PTPN3: variants seen among roughly 807,000 people sequenced by gnomAD.
PTPN3 encodes protein tyrosine phosphatase non-receptor type 3.
Under a neutral mutation model 132.7 loss-of-function variants are expected in PTPN3, and 96 were observed. That is an observed-to-expected ratio of 0.72 (90% CI 0.61 to 0.86). The LOEUF is 0.86. PTPN3 is among the 40% of genes least tolerant of loss of function. The probability of loss-of-function intolerance (pLI) is 0.00; values close to 1 mark genes in which losing one functional copy is unlikely to be tolerated. For missense variants in PTPN3, 1,125 were observed against 1,159.6 expected, an observed-to-expected ratio of 0.97 and a Z score of 0.43; for synonymous variants, 398 against 429.0, an observed-to-expected ratio of 0.93 and a Z score of 0.89.
chr9:109,499,688 C>T (rs1053572193), upstream of PTPN3, among the ~76,000 whole-genome samples: 4 of 152,194 alleles, frequency 2.6e-5, no homozygotes, highest in African/African-American at 9.7e-5. Flanking sequence ...GGCAGTCGTT[C>T]CAGGGATAGA....
upstream of PTPN3, among the ~76,000 whole-genome samples, chr9:109,499,136 A>T (rs1446315915): frequency 1.6e-5 from 2 of 126,304 alleles, no homozygotes; most frequent in African/African-American, 5.8e-5. Flanking sequence ...GTTTGGGGAA[A>T]GAGGGACAGG....
intron 19 of PTPN3, among the ~76,000 whole-genome samples, chr9:109,401,726 T>C (rs1841127113): frequency 6.6e-6 from 1 of 152,200 alleles, no homozygotes; most frequent in African/African-American, 2.4e-5. Flanking sequence ...GGATCTGCAC[T>C]GCGCTGTCCA....
intron 1 of PTPN3, among the ~76,000 whole-genome samples, chr9:109,466,869 T>C (rs948751584): frequency 6.6e-6 from 1 of 152,146 alleles, no homozygotes; most frequent in Non-Finnish European, 1.5e-5. Flanking sequence ...GGGCACCGGT[T>C]AGGTGTAGAA....
chr9:109,534,646 AAAAAAAAT>A, the PTPN3 span, among the ~76,000 whole-genome samples: 6 of 149,954 alleles, frequency 4.0e-5, no homozygotes, highest in Middle Eastern at 3.4e-3. Flanking sequence ...AAAAAAAAAA[AAAAAAAAT>A]ACCTGGGCGT....
chr9:109,516,719 AT>A, the PTPN3 span, among the ~76,000 whole-genome samples: 1 of 152,322 alleles, frequency 6.6e-6, no homozygotes, highest in East Asian at 1.9e-4. Flanking sequence ...GGCAACAATG[AT>A]TGTGGAGAAG....
At chr9:109,389,580 T>G (rs1391318002) in intron 21 of PTPN3, among the ~76,000 whole-genome samples, 1 of 152,244 alleles carries the variant, frequency 6.6e-6, no homozygotes, top group Non-Finnish European at 1.5e-5. Context: ...TATTAGATCT[T>G]TAAGATAAAA....
chr9:109,465,829 T>C (rs556298141), intron 1 of PTPN3, among the ~76,000 whole-genome samples: 1 of 152,052 alleles, frequency 6.6e-6, no homozygotes, highest in East Asian at 1.9e-4. Context: ...ATGAAGGGCC[T>C]GAGAGTAAGT....
At chr9:109,394,477 A>G (rs1209839079) in intron 19 of PTPN3, among the ~76,000 whole-genome samples, 1 of 149,142 alleles carries the variant, frequency 6.7e-6, no homozygotes, top group Non-Finnish European at 1.5e-5. Context: ...TTTTTGAGAC[A>G]CGTTGCCCAG....
chr9:109,532,991 T>A, the PTPN3 span: 5 of 537,386 alleles, frequency 9.3e-6, no homozygotes, highest in East Asian at 4.1e-4. Flanking sequence ...GCCTCGCTCT[T>A]GTCCCCCAGG....
rs752731768 is a variant in PTPN3 at position 109,420,572 on chromosome 9, G to C, written c.1165C>G (p.Arg389Gly). The change falls in exon 14 of 26, where the codon CGA (arginine) becomes GGA (glycine). Residue 389 changes from arginine (R) to glycine (G), a missense_variant. Coordinates refer to ENST00000374541, the MANE Select transcript of PTPN3 (RefSeq NM_002829.4). The part of the protein sequence containing the change: ...WRSPRLRHEI[R>G]KPRHSSADNL... The stretch of plus-strand genomic sequence containing the variant: ...TCTGCAGAAGAGTGGCGTGGCTTTC[G>C]GATTTCGTGCCGGAGCCGAGGACTT... The C allele has an allele frequency of 6.2e-6, 10 of 1,611,282 alleles. No homozygotes were observed. Among genetic ancestry groups the C allele is most frequent in the Middle Eastern group, 2.0e-4 (1 of 4,954 alleles).
At position 109,383,202 on chromosome 9, in the gene PTPN3, C is replaced by G. The variant is rs189397374; in HGVS notation, c.2382+221G>C. 2.1e-5 allele frequency: 14 copies of G among 657,520 alleles called. No homozygotes were observed. In the Admixed American group the frequency reaches 2.6e-4, roughly 12 times the overall value. The allele number at this position is 657,520 out of a possible 1,614,324, so 40.7% of individuals were successfully genotyped here. On this transcript the variant is annotated intron_variant, in intron 23 of 25. Transcript: ENST00000374541. Reference sequence around the variant, plus strand: ...ACAGACCACGTGCTGTTTATCCATTCCTCCATCGATGGACACTGGGCTGTT... The same window carrying G: ...ACAGACCACGTGCTGTTTATCCATTGCTCCATCGATGGACACTGGGCTGTT...
At chr9:109,436,317 G>A (rs1314639682) in intron 9 of PTPN3, among the ~76,000 whole-genome samples, 1 of 152,146 alleles carries the variant, frequency 6.6e-6, no homozygotes, top group South Asian at 2.1e-4. Context: ...CTGTAAAATG[G>A]GGTTAATGAT....
At chr9:109,383,653 C>T (rs113796046) in intron 22 of PTPN3, 102 bp from the exon 23 acceptor site, 78 of 1,460,544 alleles carry the variant, frequency 5.3e-5, no homozygotes, top group Non-Finnish European at 6.5e-5. Flanking sequence ...CTCATGCACA[C>T]CCGAGAGCAC....
chr9:109,526,013 A>G, the PTPN3 span, among the ~76,000 whole-genome samples: 1 of 152,236 alleles, frequency 6.6e-6, no homozygotes, highest in Non-Finnish European at 1.5e-5. Context: ...AATTTAGCAA[A>G]GGAACTGAAT....
At chr9:109,419,082 C>T (rs1842718222) in intron 14 of PTPN3, among the ~76,000 whole-genome samples, 1 of 152,192 alleles carries the variant, frequency 6.6e-6, no homozygotes, top group African/African-American at 2.4e-5. Context: ...CCACTGTAGC[C>T]CTGACAAAGG....
chr9:109,416,412 C>T lies in PTPN3; in HGVS notation c.1313+4012G>A, dbSNP rs371951421. Among the ~76,000 whole-genome samples, 31 of 152,100 alleles carry T rather than the reference C, an allele frequency of 2.0e-4. No homozygotes were observed. In the East Asian group the frequency reaches 5.0e-3, roughly 25 times the overall value. On this transcript the variant is annotated intron_variant, in intron 14 of 25. Coordinates refer to ENST00000374541, the MANE Select transcript of PTPN3 (RefSeq NM_002829.4). ...AAGAAGGGGATCCCCCAGGTTCCTT[C>T]CAATGAACAGAAGTTTTTTGTTTTT... is the stretch of plus-strand genomic sequence containing the variant.
intron 11 of PTPN3, among the ~76,000 whole-genome samples, chr9:109,427,728 A>G (rs1843379909): frequency 6.6e-6 from 1 of 152,224 alleles, no homozygotes; most frequent in African/African-American, 2.4e-5. Flanking sequence ...TTCCAGTCCT[A>G]GCTGCTCTGA....
In PTPN3 at chr9:109,404,559, A is replaced by T; in HGVS notation, c.1842T>A (p.Leu614=). The change falls in exon 19 of 26, where the codon CTT becomes CTA. Residue 614 remains leucine, a synonymous_variant. Transcript: ENST00000374541. The part of the protein sequence containing the change: ...DFKSEDELNQ[L]FPEAIFPMCP... ...ACATGGGGAAAATGGCTTCGGGGAAAAGCTGGTTCAGTTCATCTTCAGACT... is the reference window on the plus strand; with the variant it reads ...ACATGGGGAAAATGGCTTCGGGGAATAGCTGGTTCAGTTCATCTTCAGACT... 1 of 1,564,774 alleles carries T rather than the reference A, an allele frequency of 6.4e-7. No homozygotes were observed. The highest frequency in any genetic ancestry group is 8.7e-7 in the Non-Finnish European group (1 of 1,147,694).
intron 1 of PTPN3, among the ~76,000 whole-genome samples, chr9:109,471,547 C>G (rs563934850): frequency 5.9e-5 from 9 of 152,296 alleles, no homozygotes; most frequent in African/African-American, 2.2e-4. Context: ...CTGATAAGCA[C>G]TTATCTAATA....
Sources: gnomAD v4.1 joint callset for allele counts (sites outside exome capture counted in the v4.1 genomes callset) on GRCh38, gnomAD v4.1.1 for gene constraint, MANE v1.5 for transcripts, NCBI Gene and HGNC (gene_info 2026-07-23, HGNC 2026-07-21) for gene names.